TAFA1: variants seen among roughly 807,000 people sequenced by gnomAD.
TAFA1 encodes TAFA chemokine like family member 1, also known as chemokine-like protein TAFA-1.
A neutral mutation model predicts 18.5 loss-of-function variants in TAFA1; 4 were observed. The ratio of observed to expected loss-of-function variants is 0.22; its 90% CI spans 0.11 to 0.49. TAFA1 has a LOEUF of 0.49. Ranked by LOEUF, TAFA1 falls within the 20% of genes least tolerant of loss-of-function variation. The pLI is 0.98. For missense variants in TAFA1, 147 were observed against 169.0 expected (o/e 0.87, Z 0.72); for synonymous variants, 56 against 55.2 (o/e 1.01, Z -0.06).
intron 2 of TAFA1, among the ~76,000 whole-genome samples, chr3:68,046,220 A>G (rs1322747821): frequency 6.6e-6 from 1 of 152,184 alleles, no homozygotes; most frequent in East Asian, 1.9e-4. Flanking sequence ...TCTGTACTAC[A>G]TGAAAAATTG....
At chr3:68,469,911 G>A (rs1227723088) in intron 3 of TAFA1, among the ~76,000 whole-genome samples, 1 of 152,172 alleles carries the variant, frequency 6.6e-6, no homozygotes, top group Non-Finnish European at 1.5e-5. Flanking sequence ...AACTTTAAAA[G>A]CACATCTACA....
chr3:68,289,896 A>G (rs1308892973), intron 2 of TAFA1, among the ~76,000 whole-genome samples: 1 of 152,216 alleles, frequency 6.6e-6, no homozygotes, highest in East Asian at 1.9e-4. Context: ...ATTTAAGTGG[A>G]AATGAATGAA....
chr3:68,461,839 GGT>G (rs2071788265), intron 3 of TAFA1, among the ~76,000 whole-genome samples: 1 of 151,968 alleles, frequency 6.6e-6, no homozygotes, highest in Non-Finnish European at 1.5e-5. Context: ...CCAGTTTTCT[GGT>G]AGCACTTTCG....
intron 2 of TAFA1, among the ~76,000 whole-genome samples, chr3:68,283,483 T>C (rs1219181155): frequency 6.6e-6 from 1 of 152,206 alleles, no homozygotes; most frequent in Non-Finnish European, 1.5e-5. Context: ...TCATCATTCT[T>C]GTAAGATAAA....
At chr3:68,369,218 T>C (rs1202032971) in intron 2 of TAFA1, among the ~76,000 whole-genome samples, 1 of 152,130 alleles carries the variant, frequency 6.6e-6, no homozygotes, top group African/African-American at 2.4e-5. Flanking sequence ...ATAAATCTAA[T>C]GTGTCTTGGA....
chr3:68,335,510 TA>T (rs1271375572), intron 2 of TAFA1, among the ~76,000 whole-genome samples: 1 of 152,204 alleles, frequency 6.6e-6, no homozygotes, highest in African/African-American at 2.4e-5. Flanking sequence ...ATAGTTGGAT[TA>T]AAATGGGTTT....
At chr3:68,387,642 T>G (rs755688439) in intron 2 of TAFA1, among the ~76,000 whole-genome samples, 6 of 152,146 alleles carry the variant, frequency 3.9e-5, no homozygotes, top group Non-Finnish European at 5.9e-5. Flanking sequence ...TTTCCCAGAT[T>G]TTCTGTTTCC....
chr3:68,078,640 C>T (rs2064857414), intron 2 of TAFA1, among the ~76,000 whole-genome samples: 2 of 152,102 alleles, frequency 1.3e-5, no homozygotes, highest in East Asian at 3.9e-4. Context: ...TTGAACCAGC[C>T]TTGCATCCCA....
chr3:68,499,629 AC>A (rs2072622690), intron 3 of TAFA1, among the ~76,000 whole-genome samples: 1 of 150,586 alleles, frequency 6.6e-6, no homozygotes, highest in South Asian at 2.1e-4. Context: ...TGGTGAGTGA[AC>A]CCCACCAAAA....
intron 2 of TAFA1, among the ~76,000 whole-genome samples, chr3:68,296,135 C>G (rs1187287738): frequency 6.6e-6 from 1 of 152,188 alleles, no homozygotes; most frequent in Non-Finnish European, 1.5e-5. Flanking sequence ...GATCCTTGCT[C>G]TAGAGAATTG....
At chr3:68,405,620 AGCC>A (rs1329345794) in intron 2 of TAFA1, among the ~76,000 whole-genome samples, 2 of 142,724 alleles carry the variant, frequency 1.4e-5, no homozygotes, top group Non-Finnish European at 3.0e-5. Context: ...GGATCAGTTG[AGCC>A]TGGGAGGCCA....
At position 68,084,231 on chromosome 3, in the gene TAFA1, TTGTTA is replaced by T. The variant is rs1351068520; in HGVS notation, c.118+77494_118+77498del. Among the ~76,000 whole-genome samples the T allele has an allele frequency of 2.0e-5, 3 of 152,124 alleles. No homozygotes were observed. In the East Asian group the frequency reaches 5.8e-4, roughly 29 times the overall value. Reference sequence around the variant, plus strand: ...TGTGGCAGGCACCTCTTTAGTGGAGTTGTTATGTTATTTTTATATGTGTAAAATAT... The same window carrying T: ...TGTGGCAGGCACCTCTTTAGTGGAGTTGTTATTTTTATATGTGTAAAATAT... On this transcript the variant is annotated intron_variant, in intron 2 of 4. Coordinates refer to ENST00000478136, the MANE Select transcript of TAFA1 (RefSeq NM_213609.4).
intron 2 of TAFA1, among the ~76,000 whole-genome samples, chr3:68,261,313 G>C (rs1691336928): frequency 6.6e-6 from 1 of 152,144 alleles, no homozygotes; most frequent in Non-Finnish European, 1.5e-5. Context: ...TGACACTGTT[G>C]GTGGGACTGT....
intron 2 of TAFA1, among the ~76,000 whole-genome samples, chr3:68,107,001 A>G (rs1220034769): frequency 6.6e-6 from 1 of 152,144 alleles, no homozygotes; most frequent in East Asian, 1.9e-4. Flanking sequence ...CTGTCAAAAC[A>G]CCTTTGAAAA....
At position 68,025,078 on chromosome 3, in the gene TAFA1, A is replaced by G. The variant is rs111381141; in HGVS notation, c.118+18334A>G. ...TTTAATTATAAAACAGATCTTCCCT[A>G]GTCCCCACACCTATTCCATCCATAC... On this transcript the variant is annotated intron_variant, in intron 2 of 4. Coordinates refer to ENST00000478136, the MANE Select transcript of TAFA1 (RefSeq NM_213609.4). Among the ~76,000 whole-genome samples, 916 of 152,248 alleles carry G rather than the reference A, an allele frequency of 6.0e-3. 4 individuals are homozygous for G. The highest frequency in any genetic ancestry group is 0.019 in the African/African-American group (783 of 41,562).
At chr3:68,348,100 A>G (rs2106767871) in intron 2 of TAFA1, among the ~76,000 whole-genome samples, 1 of 152,292 alleles carries the variant, frequency 6.6e-6, no homozygotes, top group Non-Finnish European at 1.5e-5. Context: ...GTTATTGAAA[A>G]GGTAAAAGTG....
rs544528671 is a variant in TAFA1, at chr3:68,525,890, GT to G, written c.260-12865del. ...CACCTGTATTAACACATTCTCAAGTGTCTGTGAGCCAGGCAAATAGTGCTGA... is the reference window on the plus strand; with the variant it reads ...CACCTGTATTAACACATTCTCAAGTGCTGTGAGCCAGGCAAATAGTGCTGA... On this transcript the variant is annotated intron_variant, in intron 3 of 4. Coordinates refer to ENST00000478136, the MANE Select transcript of TAFA1 (RefSeq NM_213609.4). Among the ~76,000 whole-genome samples the G allele has an allele frequency of 2.2e-4, 33 of 151,888 alleles. No individual in the cohort carries two copies. The East Asian group carries it at 6.2e-3, about 29-fold the overall frequency.
intron 4 of TAFA1, among the ~76,000 whole-genome samples, chr3:68,540,208 C>T (rs2073349796): frequency 2.0e-5 from 3 of 151,862 alleles, no homozygotes; most frequent in Non-Finnish European, 4.4e-5. Context: ...ATTTCCTTGC[C>T]TTTTTTGACC....
chr3:68,087,270 GT>G (rs1179855719), intron 2 of TAFA1, among the ~76,000 whole-genome samples: 2 of 152,100 alleles, frequency 1.3e-5, no homozygotes, highest in African/African-American at 4.8e-5. Flanking sequence ...GGTTTGGGAA[GT>G]TTTTTGTTGG....
Sources: gnomAD v4.1 joint callset for allele counts (sites outside exome capture counted in the v4.1 genomes callset) on GRCh38, gnomAD v4.1.1 for gene constraint, MANE v1.5 for transcripts, NCBI Gene and HGNC (gene_info 2026-07-23, HGNC 2026-07-21) for gene names.